The following MEPE variants were observed in gnomAD, a reference collection of about 807,000 sequenced individuals.
MEPE encodes matrix, extracellular phosphoglycoprotein with ASARM motif (bone).
Under a neutral mutation model 7.3 loss-of-function variants are expected in MEPE, and 7 were observed. The ratio of observed to expected loss-of-function variants is 0.95; its 90% CI spans 0.54 to 1.79. The LOEUF is 1.79. MEPE is among the 40% of genes most tolerant of loss of function. MEPE has a pLI of 0.00. For missense variants in MEPE, 623 were observed against 628.2 expected (o/e 0.99, Z 0.09); for synonymous variants, 214 against 213.1 (o/e 1.00, Z -0.04).
In MEPE at chr4:87,844,979, G is replaced by T; in HGVS notation, c.111G>T (p.Gln37His). The change falls in exon 4 of 4, where the codon CAG (glutamine) becomes CAT (histidine). Residue 37 changes from glutamine to histidine, a missense_variant and splice_region_variant. Gln to His is a conservative substitution (Grantham distance 24). Coordinates refer to ENST00000361056, the MANE Select transcript of MEPE (RefSeq NM_020203.6). ...TCATATTGAAAATTGTATTTTAGCA[G>T]GAAGAAAAAAACAAAGACAATATTG... ...TKQSCVEEQR[Q>H]EEKNKDNIGF... 1 of 1,531,340 alleles carries T rather than the reference G, an allele frequency of 6.5e-7. No homozygotes were observed. Among genetic ancestry groups the T allele is most frequent in the Non-Finnish European group, 8.7e-7 (1 of 1,144,254 alleles). 94.9% of individuals were successfully genotyped at this position (1,531,340 alleles called of 1,614,324 possible). A position where few individuals can be genotyped will look rare whatever the true frequency, so the allele number is the denominator to read the frequency against.
chr4:87,824,317 T>C (rs1222363345), intron 1 of MEPE, among the ~76,000 whole-genome samples: 2 of 152,226 alleles, frequency 1.3e-5, no homozygotes, highest in African/African-American at 4.8e-5. Flanking sequence ...TACCTGATCA[T>C]TCTTGTTACA....
At chr4:87,829,656 C>T (rs948166461), upstream of MEPE, among the ~76,000 whole-genome samples, 5 of 152,080 alleles carry the variant, frequency 3.3e-5, no homozygotes, top group African/African-American at 4.8e-5. Flanking sequence ...GCATTATATA[C>T]ACATTATTAT....
intron 3 of MEPE, chr4:87,839,610 ATAT>A: frequency 2.0e-6 from 2 of 1,001,970 alleles, no homozygotes; most frequent in East Asian, 2.6e-5. Flanking sequence ...AAAGTTTCTT[ATAT>A]TATTACAAAG....
At chr4:87,821,413 G>C (rs982416521) in exon 1 of MEPE, 1 of 152,076 alleles carries the variant, frequency 6.6e-6, no homozygotes, top group Admixed American at 6.6e-5. Context: ...ATAAACAAAT[G>C]CAGTGCTCCC....
intron 3 of MEPE, among the ~76,000 whole-genome samples, chr4:87,841,700 G>GA (rs1265579854): frequency 1.3e-5 from 2 of 151,770 alleles, no homozygotes; most frequent in South Asian, 2.1e-4. Flanking sequence ...GTTTGGGAGT[G>GA]AAAAAAAAGA....
chr4:87,837,756 G>A (rs886111902), intron 2 of MEPE: 2 of 152,192 alleles, frequency 1.3e-5, no homozygotes, highest in Non-Finnish European at 2.9e-5. Context: ...GATAGGCTAG[G>A]AGTTTCTGAA....
intron 2 of MEPE, among the ~76,000 whole-genome samples, chr4:87,836,413 A>ATGTGTG (rs34833616): frequency 3.3e-4 from 50 of 150,098 alleles, no homozygotes; most frequent in African/African-American, 1.2e-3. Context: ...TCTAATCCAT[A>ATGTGTG]TGTGTGTGTG....
rs573340316 is a variant in MEPE, at chr4:87,824,173, A to G, written c.-13+2702A>G. 4.9e-4 allele frequency among the ~76,000 whole-genome samples: 74 copies of G among 152,288 alleles called. No individual in the cohort carries two copies. In the South Asian group the frequency reaches 0.015, roughly 31 times the overall value. ...AAGCTTTCACTAAAAAGCAAAAGTC[A>G]GCAAACTTCTTTTTTAAAAGACCAG... On this transcript the variant is annotated intron_variant, in intron 1 of 3. Transcript: ENST00000424957.
chr4:87,831,910 A>G (rs1467880948), upstream of MEPE, among the ~76,000 whole-genome samples: 1 of 152,040 alleles, frequency 6.6e-6, no homozygotes, highest in Non-Finnish European at 1.5e-5. Context: ...GAGTCTGTTC[A>G]TGCTGCTACT....
intron 3 of MEPE, chr4:87,840,097 G>A: frequency 1.3e-6 from 2 of 1,523,810 alleles, no homozygotes; most frequent in Non-Finnish European, 1.8e-6. Flanking sequence ...GTAACATTTG[G>A]TGTTTTATAA....
upstream of MEPE, among the ~76,000 whole-genome samples, chr4:87,830,497 A>G (rs1578053020): frequency 6.6e-6 from 1 of 152,148 alleles, no homozygotes; most frequent in Admixed American, 6.6e-5. Context: ...CAAATACCAC[A>G]TGTTCTCACT....
In MEPE at chr4:87,835,903, A is replaced by G. The variant is rs377631872; in HGVS notation, c.54+1135A>G. On this transcript the variant is annotated intron_variant, in intron 2 of 3. Coordinates refer to ENST00000361056, the MANE Select transcript of MEPE (RefSeq NM_020203.6). Reference sequence around the variant, plus strand: ...TGGGGCTTTCTCATCATTTTCCAGTAAATGTGCTATGTCAACATTGATTCA... The same window carrying G: ...TGGGGCTTTCTCATCATTTTCCAGTGAATGTGCTATGTCAACATTGATTCA... Among the ~76,000 whole-genome samples the G allele has an allele frequency of 1.5e-4, 23 of 152,282 alleles. No homozygotes were observed. In the East Asian group the frequency reaches 3.1e-3, roughly 20 times the overall value.
chr4:87,830,696 G>C (rs965694668), upstream of MEPE, among the ~76,000 whole-genome samples: 2 of 152,028 alleles, frequency 1.3e-5, no homozygotes, highest in African/African-American at 4.8e-5. Context: ...GTTTATCTAT[G>C]TAATGAACCT....
At chr4:87,840,884 A>T (rs1722987149) in intron 3 of MEPE, among the ~76,000 whole-genome samples, 1 of 152,194 alleles carries the variant, frequency 6.6e-6, no homozygotes, top group Admixed American at 6.5e-5. Context: ...GCATGGAGAC[A>T]GAAAAGCAGA....
At chr4:87,828,624 T>C (rs1722528665), upstream of MEPE, among the ~76,000 whole-genome samples, 2 of 152,194 alleles carry the variant, frequency 1.3e-5, no homozygotes, top group African/African-American at 4.8e-5. Context: ...GAGAGTCTAA[T>C]AGCTGGAACT....
rs1723272210 is a variant in MEPE at position 87,846,442 on chromosome 4, A to G, written c.1574A>G (p.Asp525Gly). Residue 525 changes from aspartate to glycine, a missense_variant, in exon 4 of 4, where the codon GAC becomes GGC. Transcript: ENST00000361056. ...GGCAGTTCAAGTGAGAGCGATGGTG[A>G]CTAGTCCACCAGGAGTTCCCAGCGG... ...DSGSSSESDG[D>G] 1 of 1,611,176 alleles carries G rather than the reference A, an allele frequency of 6.2e-7. No homozygotes were observed. The highest frequency in any genetic ancestry group is 8.5e-7 in the Non-Finnish European group (1 of 1,178,538).
chr4:87,846,209 C>G lies in MEPE; in HGVS notation c.1341C>G (p.Ile447Met). The change falls in exon 4 of 4, where the codon ATC (isoleucine) becomes ATG (methionine). Residue 447 changes from isoleucine to methionine, a missense_variant. Ile to Met is a conservative substitution (Grantham distance 10). Transcript: ENST00000361056. ...CTTCTCGTGGTCTTGATAATGAAAT[C>G]AAAAACGAAATGGATTCCTTTAATG... ...PIPSRGLDNE[I>M]KNEMDSFNGP... 1 of 1,613,932 alleles carries G rather than the reference C, an allele frequency of 6.2e-7. No individual in the cohort carries two copies.
At chr4:87,835,522 G>A (rs1722753743) in intron 2 of MEPE, among the ~76,000 whole-genome samples, 1 of 152,160 alleles carries the variant, frequency 6.6e-6, no homozygotes, top group Non-Finnish European at 1.5e-5. Context: ...TCATCCCATT[G>A]CCAATCATAC....
chr4:87,837,286 A>G (rs28726145), intron 2 of MEPE, among the ~76,000 whole-genome samples: 2,440 of 152,110 alleles, frequency 0.016, 72 homozygotes, highest in African/African-American at 0.056. Flanking sequence ...GATGTACCCA[A>G]CTCTAGAGAT....
Sources: gnomAD v4.1 joint callset for allele counts (sites outside exome capture counted in the v4.1 genomes callset) on GRCh38, gnomAD v4.1.1 for gene constraint, MANE v1.5 for transcripts, NCBI Gene and HGNC (gene_info 2026-07-23, HGNC 2026-07-21) for gene names.